The following EXOC4 variants were observed in gnomAD, a reference collection of about 807,000 sequenced individuals.
EXOC4 encodes SEC8-like 1.
EXOC4 carries 71 observed loss-of-function variants against 107.2 expected under a neutral mutation model. The ratio of observed to expected loss-of-function variants is 0.66; its 90% CI spans 0.55 to 0.81. The LOEUF is 0.81. EXOC4 is among the 30% of genes least tolerant of loss of function. The probability of loss-of-function intolerance (pLI) is 0.00; values close to 1 mark genes in which losing one functional copy is unlikely to be tolerated. For missense variants in EXOC4, 1,108 were observed against 1,189.6 expected (o/e 0.93, Z 1.01); for synonymous variants, 456 against 441.2 (o/e 1.03, Z -0.42).
chr7:133,519,764 G>A (rs1034965561), intron 9 of EXOC4, among the ~76,000 whole-genome samples: 2 of 152,132 alleles, frequency 1.3e-5, no homozygotes, highest in African/African-American at 4.8e-5. Flanking sequence ...AGCCAGTACC[G>A]TTAGGAAGTT....
intron 4 of EXOC4, among the ~76,000 whole-genome samples, chr7:133,309,887 C>T (rs560069099): frequency 6.6e-6 from 1 of 152,160 alleles, no homozygotes; most frequent in African/African-American, 2.4e-5. Flanking sequence ...TTGCAGTGAG[C>T]CGAGATCACA....
intron 9 of EXOC4, among the ~76,000 whole-genome samples, chr7:133,567,034 C>T (rs1800919809): frequency 6.6e-6 from 1 of 152,048 alleles, no homozygotes; most frequent in Admixed American, 6.5e-5. Flanking sequence ...TTTTGATATA[C>T]TATGCTGGCT....
intron 13 of EXOC4, among the ~76,000 whole-genome samples, chr7:133,926,211 T>A (rs935756981): frequency 6.6e-6 from 1 of 152,260 alleles, no homozygotes; most frequent in South Asian, 2.1e-4. Flanking sequence ...AGGAAGTAAA[T>A]GACTTCCCCA....
At chr7:133,939,050 C>T (rs1341810700) in intron 14 of EXOC4, among the ~76,000 whole-genome samples, 1 of 151,998 alleles carries the variant, frequency 6.6e-6, no homozygotes, top group Admixed American at 6.6e-5. Flanking sequence ...ACGTCCAGAC[C>T]AAAAGACAGA....
At position 133,959,305 on chromosome 7, in the gene EXOC4, T is replaced by C. The variant is rs145062408; in HGVS notation, c.2206+21236T>C. 8.6e-4 allele frequency among the ~76,000 whole-genome samples: 130 copies of C among 151,920 alleles called. 1 individual carries two copies. In the East Asian group the frequency reaches 0.017, roughly 20 times the overall value. ...TGAAAATTAATATCCCTAGAAGAAATAAGAGAAGATATTGTATTCATGAAA... is the reference window on the plus strand; with the variant it reads ...TGAAAATTAATATCCCTAGAAGAAACAAGAGAAGATATTGTATTCATGAAA... On this transcript the variant is annotated intron_variant, in intron 14 of 17. Coordinates refer to ENST00000253861, the MANE Select transcript of EXOC4 (RefSeq NM_021807.4).
At chr7:133,650,787 C>G (rs1173204935) in intron 10 of EXOC4, among the ~76,000 whole-genome samples, 2 of 152,062 alleles carry the variant, frequency 1.3e-5, no homozygotes, top group East Asian at 1.9e-4. Context: ...TGGATACTAA[C>G]TGTACAATAA....
At chr7:134,033,806 G>C (rs1160023543) in intron 17 of EXOC4, among the ~76,000 whole-genome samples, 1 of 152,170 alleles carries the variant, frequency 6.6e-6, no homozygotes. Context: ...ATAAAAAAAA[G>C]TCAGCTGGTA....
chr7:133,337,132 ATTG>A (rs1056004479), intron 5 of EXOC4, among the ~76,000 whole-genome samples: 2 of 152,222 alleles, frequency 1.3e-5, no homozygotes, highest in African/African-American at 4.8e-5. Flanking sequence ...ACTGTGGTGT[ATTG>A]TTTTGTCAAT....
At chr7:133,615,307 G>C (rs757845681) in intron 9 of EXOC4, among the ~76,000 whole-genome samples, 1 of 151,492 alleles carries the variant, frequency 6.6e-6, no homozygotes, top group Non-Finnish European at 1.5e-5. Flanking sequence ...TGAAGAAAAC[G>C]AGGGTGATTT....
chr7:133,970,259 A>G (rs1801172338), intron 14 of EXOC4, among the ~76,000 whole-genome samples: 1 of 152,104 alleles, frequency 6.6e-6, no homozygotes, highest in South Asian at 2.1e-4. Flanking sequence ...ATTTCAAGCT[A>G]GTGGATCTTA....
intron 1 of EXOC4, among the ~76,000 whole-genome samples, chr7:133,264,227 C>A (rs1281793747): frequency 6.6e-6 from 1 of 152,042 alleles, no homozygotes; most frequent in Admixed American, 6.5e-5. Context: ...TTTTGGTCCC[C>A]AGAAGTGTTC....
chr7:133,462,529 C>G (rs1798618849), intron 7 of EXOC4, among the ~76,000 whole-genome samples: 2 of 152,152 alleles, frequency 1.3e-5, no homozygotes, highest in African/African-American at 4.8e-5. Flanking sequence ...AAGCCCCTCC[C>G]TCTGTTTCCT....
At chr7:133,907,820 G>GGGAGAGGAGGAA (rs1799602903) in intron 12 of EXOC4, among the ~76,000 whole-genome samples, 1 of 150,888 alleles carries the variant, frequency 6.6e-6, no homozygotes, top group South Asian at 2.1e-4. Flanking sequence ...AGAAGAAGGA[G>GGGAGAGGAGGAA]GAGGAGGAGG....
intron 10 of EXOC4, among the ~76,000 whole-genome samples, chr7:133,765,656 C>T (rs1796120843): frequency 6.6e-6 from 1 of 151,880 alleles, no homozygotes; most frequent in Admixed American, 6.6e-5. Flanking sequence ...TAGAAATGAC[C>T]TAATTAAGTC....
intron 7 of EXOC4, among the ~76,000 whole-genome samples, chr7:133,384,295 A>G (rs1000751441): frequency 3.9e-5 from 6 of 152,184 alleles, no homozygotes; most frequent in African/African-American, 7.2e-5. Flanking sequence ...TCACATACCT[A>G]GGATGGGCCT....
chr7:133,809,864 C>T (rs187548441), intron 10 of EXOC4, among the ~76,000 whole-genome samples: 2 of 152,140 alleles, frequency 1.3e-5, no homozygotes, highest in Admixed American at 6.5e-5. Context: ...GCATGAATTA[C>T]TTGTGCTCTA....
chr7:133,698,246 A>T (rs923659365), intron 10 of EXOC4, among the ~76,000 whole-genome samples: 5 of 152,002 alleles, frequency 3.3e-5, no homozygotes, highest in East Asian at 1.9e-4. Flanking sequence ...TTGTTTTTTT[A>T]AAAAACATTG....
chr7:134,063,821 TA>T (rs1357495287), intron 17 of EXOC4, among the ~76,000 whole-genome samples: 20 of 152,214 alleles, frequency 1.3e-4, no homozygotes, highest in Non-Finnish European at 2.5e-4. Context: ...ACTATTTCAA[TA>T]ACCCCAAGAG....
At chr7:133,770,988 ATGT>A (rs1201047171) in intron 10 of EXOC4, among the ~76,000 whole-genome samples, 1 of 151,984 alleles carries the variant, frequency 6.6e-6, no homozygotes, top group Non-Finnish European at 1.5e-5. Context: ...ATGAATGGAC[ATGT>A]TGTAGCCCAG....
Sources: allele counts gnomAD v4.1 joint callset (sites outside exome capture counted in the v4.1 genomes callset), GRCh38; gene constraint gnomAD v4.1.1; transcripts MANE v1.5; gene names NCBI Gene and HGNC (gene_info 2026-07-23, HGNC 2026-07-21).